Variants in VWA8 observed in about 807,000 individuals in gnomAD.
VWA8 encodes von Willebrand factor A domain-containing protein 8.
A neutral mutation model predicts 241.5 loss-of-function variants in VWA8; 221 were observed. The observed-to-expected ratio is 0.91, with a 90% confidence interval of 0.82 to 1.02. VWA8 has a LOEUF of 1.02. Ranked by LOEUF, VWA8 falls within the 50% of genes least tolerant of loss-of-function variation. The pLI is 0.00. For synonymous variants in VWA8, 852 were observed against 827.1 expected, an observed-to-expected ratio of 1.03 and a Z score of -0.52; for missense variants, 2,322 against 2,328.7, an observed-to-expected ratio of 1.00 and a Z score of 0.06.
chr13:41,756,957 A>T (rs543034521), intron 21 of VWA8, among the ~76,000 whole-genome samples: 1 of 151,890 alleles, frequency 6.6e-6, no homozygotes, highest in South Asian at 2.1e-4. Context: ...CTCACTTATC[A>T]TCCTTAAATA....
chr13:41,943,914 C>T (rs1041821761), intron 2 of VWA8, among the ~76,000 whole-genome samples: 1 of 151,858 alleles, frequency 6.6e-6, no homozygotes, highest in Non-Finnish European at 1.5e-5. Flanking sequence ...CCAGCCTGGG[C>T]CAACAGGGTA....
intron 29 of VWA8, among the ~76,000 whole-genome samples, chr13:41,694,526 AATG>A (rs1446927407): frequency 6.6e-6 from 1 of 152,076 alleles, no homozygotes; most frequent in Non-Finnish European, 1.5e-5. Flanking sequence ...TGAAAATGGT[AATG>A]ATATCTTAGA....
At chr13:41,924,009 G>A (rs1876699607) in intron 2 of VWA8, among the ~76,000 whole-genome samples, 1 of 151,778 alleles carries the variant, frequency 6.6e-6, no homozygotes, top group Non-Finnish European at 1.5e-5. Flanking sequence ...AAAAAGCAAA[G>A]AAACATGACA....
rs982523292 is a variant in VWA8, at chr13:41,587,559, C to T, written c.5224G>A (p.Val1742Met). ...TCGAAGGCTTCCATGACCATACACACAGCCTCCATTGTGCGCTCAAGCCGG... is the reference window on the plus strand; with the variant it reads ...TCGAAGGCTTCCATGACCATACACATAGCCTCCATTGTGCGCTCAAGCCGG... ...DGRLERTMEA[V>M]CMVMEAFENY... The change falls in exon 42 of 45, where the codon GTG (valine) becomes ATG (methionine). Residue 1742 changes from valine to methionine, a missense_variant. Transcript: ENST00000379310. 2.5e-6 allele frequency: 4 copies of T among 1,614,178 alleles called. No individual in the cohort carries two copies. The highest frequency in any genetic ancestry group is 2.5e-6 in the Non-Finnish European group (3 of 1,180,022).
intron 32 of VWA8, among the ~76,000 whole-genome samples, chr13:41,690,831 C>T (rs2045171843): frequency 6.6e-6 from 1 of 152,106 alleles, no homozygotes; most frequent in Admixed American, 6.6e-5. Flanking sequence ...CACCGCCTTT[C>T]ATCAAGAACT....
intron 28 of VWA8, among the ~76,000 whole-genome samples, chr13:41,700,850 T>C (rs1468915893): frequency 6.6e-6 from 1 of 152,206 alleles, no homozygotes; most frequent in Admixed American, 6.5e-5. Flanking sequence ...AGCCACCACT[T>C]CTGTTTTTAT....
At position 41,703,285 on chromosome 13, in the gene VWA8, A is replaced by C; in HGVS notation, c.3225+18T>G. The C allele has an allele frequency of 6.3e-7, 1 of 1,592,194 alleles. No homozygotes were observed. Among genetic ancestry groups the C allele is most frequent in the Non-Finnish European group, 8.6e-7 (1 of 1,160,510 alleles). On this transcript the variant is annotated intron_variant, in intron 27 of 44. Coordinates refer to ENST00000379310, the MANE Select transcript of VWA8 (RefSeq NM_015058.2). ...TATAAGGTTCAATATTTTAAGAGAG[A>C]ATAATGATGATATCAACCTTTATGT...
chr13:41,617,590 T>C (rs961693873), intron 37 of VWA8, among the ~76,000 whole-genome samples: 4 of 152,234 alleles, frequency 2.6e-5, no homozygotes, highest in African/African-American at 9.6e-5. Flanking sequence ...GCTGCAGTCA[T>C]TAATTCGTCA....
intron 20 of VWA8, among the ~76,000 whole-genome samples, chr13:41,765,469 C>G (rs1257559365): frequency 6.6e-6 from 1 of 152,136 alleles, no homozygotes; most frequent in African/African-American, 2.4e-5. Context: ...ATGCTGAAAG[C>G]TTCATCTAGG....
intron 2 of VWA8, among the ~76,000 whole-genome samples, chr13:41,941,223 T>C (rs1877581190): frequency 1.3e-5 from 2 of 152,202 alleles, no homozygotes; most frequent in African/African-American, 4.8e-5. Context: ...ATTAAATCCT[T>C]AAAGCTAATA....
intron 26 of VWA8, chr13:41,719,325 G>A (rs2045366712): frequency 7.9e-7 from 1 of 1,262,950 alleles, no homozygotes; most frequent in Non-Finnish European, 1.0e-6. Context: ...TTCAACAAAA[G>A]GACTGAGACT....
chr13:41,819,395 GGAAAAAAAAT>G lies in VWA8; in HGVS notation c.1701-19_1701-10del, dbSNP rs1870849142. The G allele has an allele frequency of 1.3e-6, 2 of 1,582,768 alleles. No homozygotes were observed. Among genetic ancestry groups the G allele is most frequent in the Non-Finnish European group, 1.7e-6 (2 of 1,172,064 alleles). ...GGATAGGAAAAATGGATCTAAAATA[GGAAAAAAAAT>G]GAAAAAAAATAACATATCTTTCATG... is the stretch of plus-strand genomic sequence containing the variant. On this transcript the variant is annotated splice_polypyrimidine_tract_variant and intron_variant, in intron 14 of 44. Transcript: ENST00000379310.
At chr13:41,921,057 A>T (rs186593826) in intron 2 of VWA8, among the ~76,000 whole-genome samples, 17 of 152,358 alleles carry the variant, frequency 1.1e-4, no homozygotes, top group Admixed American at 8.5e-4. Context: ...GGCAAACCAA[A>T]AACAGCAGCA....
chr13:41,714,670 T>C (rs1400679753), intron 26 of VWA8, among the ~76,000 whole-genome samples: 1 of 151,986 alleles, frequency 6.6e-6, no homozygotes, highest in Non-Finnish European at 1.5e-5. Context: ...TGATCCTCCA[T>C]ATGTCACAAG....
At chr13:41,611,807 G>A in intron 38 of VWA8, 75 bp from the exon 39 acceptor site, 2 of 1,555,274 alleles carry the variant, frequency 1.3e-6, no homozygotes, top group Non-Finnish European at 1.8e-6. Flanking sequence ...CATGGTTTTA[G>A]GACAGCCTTG....
chr13:41,736,241 T>G (rs1483803601), intron 21 of VWA8, among the ~76,000 whole-genome samples: 1 of 152,202 alleles, frequency 6.6e-6, no homozygotes, highest in African/African-American at 2.4e-5. Context: ...TTTACTATCT[T>G]ACAGACTACA....
In VWA8 at chr13:41,600,850, T is replaced by C. The variant is rs531141389; in HGVS notation, c.4986+4318A>G. On this transcript the variant is annotated intron_variant, in intron 40 of 44. Transcript: ENST00000379310. ...TTTTGTCCTACCTCCAAATTGCTTCTTGAATTTGTCTCATTCTTTCCATTT... is the reference window on the plus strand; with the variant it reads ...TTTTGTCCTACCTCCAAATTGCTTCCTGAATTTGTCTCATTCTTTCCATTT... 8.7e-4 allele frequency among the ~76,000 whole-genome samples: 133 copies of C among 152,266 alleles called. 5 individuals carry two copies. The South Asian group carries it at 0.026, about 30-fold the overall frequency.
rs1874897094 is a variant in VWA8 at position 41,892,582 on chromosome 13, A to G, written c.484-995T>C. Among the ~76,000 whole-genome samples the G allele has an allele frequency of 3.9e-5, 6 of 152,256 alleles. No homozygotes were observed. The South Asian group carries it at 1.2e-3, about 32-fold the overall frequency. On this transcript the variant is annotated intron_variant, in intron 4 of 44. Transcript: ENST00000379310. ...CTCCCTGAAAATCTTATTCAATCAC[A>G]TAGTTCCAACTACCACCTTTATGCT...
At chr13:41,603,699 AG>A (rs760275514) in intron 40 of VWA8, among the ~76,000 whole-genome samples, 24 of 152,122 alleles carry the variant, frequency 1.6e-4, no homozygotes, top group South Asian at 4.2e-4. Flanking sequence ...GTCTCCCACC[AG>A]GGTGTGCTTT....
Sources: allele counts gnomAD v4.1 joint callset (sites outside exome capture counted in the v4.1 genomes callset), GRCh38; gene constraint gnomAD v4.1.1; transcripts MANE v1.5; gene names NCBI Gene and HGNC (gene_info 2026-07-23, HGNC 2026-07-21).